The following ADRA1D variants were observed in gnomAD, a reference collection of about 807,000 sequenced individuals.
ADRA1D encodes adrenoceptor alpha 1D.
Under a neutral mutation model 18.6 loss-of-function variants are expected in ADRA1D, and 22 were observed. The ratio of observed to expected loss-of-function variants is 1.19; its 90% CI spans 0.85 to 1.69. ADRA1D has a LOEUF of 1.69. ADRA1D is among the 40% of genes most tolerant of loss of function. The probability of loss-of-function intolerance (pLI) is 0.00; values close to 1 mark genes in which losing one functional copy is unlikely to be tolerated. For missense variants in ADRA1D, 840 were observed against 840.7 expected (o/e 1.00, Z 0.01); for synonymous variants, 376 against 388.2 (o/e 0.97, Z 0.37).
intron 1 of ADRA1D, among the ~76,000 whole-genome samples, chr20:4,240,921 G>A (rs1376837698): frequency 6.6e-6 from 1 of 152,076 alleles, no homozygotes; most frequent in East Asian, 1.9e-4. Flanking sequence ...TACTAACAGG[G>A]TTCTCTCTAT....
At chr20:4,225,081 A>G (rs1278780213) in intron 1 of ADRA1D, among the ~76,000 whole-genome samples, 3 of 148,600 alleles carry the variant, frequency 2.0e-5, no homozygotes, top group Non-Finnish European at 4.4e-5. Flanking sequence ...GGCTCACTGC[A>G]ACCTCTTCCT....
intron 1 of ADRA1D, among the ~76,000 whole-genome samples, chr20:4,225,183 G>A (rs947740927): frequency 6.6e-6 from 1 of 151,436 alleles, no homozygotes; most frequent in Non-Finnish European, 1.5e-5. Context: ...TGTATTTTTA[G>A]TAGAGACGGG....
chr20:4,227,757 C>CCT lies in ADRA1D; in HGVS notation c.1112-5628_1112-5627insAG, dbSNP rs1286307769. Among the ~76,000 whole-genome samples the CCT allele has an allele frequency of 4.4e-3, 396 of 90,272 alleles. 4 individuals carry two copies. The highest frequency in any genetic ancestry group is 0.016 in the African/African-American group (371 of 22,644). The allele number at this position is 90,272 out of a possible 152,430, so 59.2% of individuals were successfully genotyped here. A position where few individuals can be genotyped will look rare whatever the true frequency, so the allele number is the denominator to read the frequency against. ...TTCCTTCCTTCCTTCCTTCTTCTCT[C>CCT]TCTCTCTTTCTTCTCTTTCTTTCTT... On this transcript the variant is annotated intron_variant, in intron 1 of 1. Coordinates refer to ENST00000379453, the MANE Select transcript of ADRA1D (RefSeq NM_000678.4).
chr20:4,248,216 T>C lies in ADRA1D; in HGVS notation c.742A>G (p.Ile248Val), dbSNP rs1452971663. 6.3e-7 allele frequency: 1 copy of C among 1,598,438 alleles called. No individual in the cohort carries two copies. Among genetic ancestry groups the C allele is most frequent in the East Asian group, 2.3e-5 (1 of 44,250 alleles). Residue 248 changes from isoleucine (I) to valine (V), a missense_variant, in exon 1 of 2, where the codon ATC (isoleucine) becomes GTC (valine). Coordinates refer to ENST00000379453, the MANE Select transcript of ADRA1D (RefSeq NM_000678.4). ...PVPPDERFCG[I>V]TEEAGYAVFS... is the part of the protein sequence containing the mutation. ...ACAGCGTAGCCCGCCTCCTCGGTGA[T>C]ACCGCAGAAGCGCTCGTCAGGGGGC... is the stretch of plus-strand genomic sequence containing the variant.
In ADRA1D at chr20:4,248,373, G is replaced by A. The variant is rs1182911102; in HGVS notation, c.585C>T (p.Tyr195=). The change falls in exon 1 of 2, where the codon TAC becomes TAT. Residue 195 remains tyrosine, a synonymous_variant. Transcript: ENST00000379453. The part of the protein sequence containing the change: ...LSLCTISVDR[Y]VGVRHSLKYP... ...ACTTGAGTGAGTGGCGCACGCCCAC[G>A]TACCGGTCCACGGAGATGGTGCAGA... 6.2e-7 allele frequency: 1 copy of A among 1,608,458 alleles called. No homozygotes were observed. The highest frequency in any genetic ancestry group is 8.5e-7 in the Non-Finnish European group (1 of 1,177,594).
chr20:4,222,055 C>T lies in ADRA1D; in HGVS notation c.1187G>A (p.Cys396Tyr). ...ACAGGGGTAGATGAGCGGGTTCACGCAGCTGTTGAAGTAGCCGAGCCAGAA... is the reference window on the plus strand; with the variant it reads ...ACAGGGGTAGATGAGCGGGTTCACGTAGCTGTTGAAGTAGCCGAGCCAGAA... ...VIFWLGYFNS[C>Y]VNPLIYPCSS... The change falls in exon 2 of 2, where the codon TGC becomes TAC. Residue 396 changes from cysteine (C) to tyrosine (Y), a missense_variant. Physicochemically the swap from Cys to Tyr is radical, Grantham distance 194. Coordinates refer to ENST00000379453, the MANE Select transcript of ADRA1D (RefSeq NM_000678.4). The surrounding 1 kb of genome is among the most constrained non-coding windows in gnomAD (Gnocchi z 4.3). 1 of 1,612,376 alleles carries T rather than the reference C, an allele frequency of 6.2e-7. No homozygotes were observed. Among genetic ancestry groups the T allele is most frequent in the Non-Finnish European group, 8.5e-7 (1 of 1,179,370 alleles).
chr20:4,248,264 G>C lies in ADRA1D; in HGVS notation c.694C>G (p.Leu232Val). 6.2e-7 allele frequency: 1 copy of C among 1,608,650 alleles called. No homozygotes were observed. Among genetic ancestry groups the C allele is most frequent in the Non-Finnish European group, 8.5e-7 (1 of 1,177,886 alleles). The change falls in exon 1 of 2, where the codon CTG becomes GTG. Residue 232 changes from leucine (L) to valine (V), a missense_variant. Transcript: ENST00000379453. Reference sequence around the variant, plus strand: ...GGCACGGGCTCCTTCCAGCCCAGCAGGGGCCCTACGGACACCACCAGGGCT... The same window carrying C: ...GGCACGGGCTCCTTCCAGCCCAGCACGGGCCCTACGGACACCACCAGGGCT... ...VVALVVSVGP[L>V]LGWKEPVPPD... is the part of the protein sequence containing the mutation.
rs780952206 is a variant in ADRA1D, at chr20:4,221,631, T to C, written c.1611A>G (p.Ser537=). 5 of 1,613,032 alleles carry C rather than the reference T, an allele frequency of 3.1e-6. No individual in the cohort carries two copies. Among genetic ancestry groups the C allele is most frequent in the Non-Finnish European group, 4.2e-6 (5 of 1,179,648 alleles). Residue 537 remains serine (S), a synonymous_variant, in exon 2 of 2, where the codon TCA becomes TCG. Transcript: ENST00000379453. ...CGCCTAGGGACACAGCCTCCACCTC[T>C]GAGCGCTGGGCGCACGCTGCCTCTG... ...QRAEAACAQR[S]EVEAVSLGVP...
chr20:4,248,899 G>C lies in ADRA1D; in HGVS notation c.59C>G (p.Ala20Gly), dbSNP rs773415275. The change falls in exon 1 of 2, where the codon GCA becomes GGA. Residue 20 changes from alanine (A) to glycine (G), a missense_variant. Ala to Gly is a moderately conservative substitution (Grantham distance 60). Coordinates refer to ENST00000379453, the MANE Select transcript of ADRA1D (RefSeq NM_000678.4). ...SFEGPRPDSS[A>G]GGSSAGGGGG... ...GCCGCCGCCCGCGCTGGAGCCCCCT[G>C]CGCTGCTGTCCGGGCGGGGTCCCTC... 94 of 1,296,868 alleles carry C rather than the reference G, an allele frequency of 7.2e-5. No individual in the cohort carries two copies. In the Middle Eastern group the frequency reaches 1.2e-3, roughly 17 times the overall value. 80.3% of individuals were successfully genotyped at this position (1,296,868 alleles called of 1,614,324 possible). A position where few individuals can be genotyped will look rare whatever the true frequency, so the allele number is the denominator to read the frequency against.
Position 4,248,599 on chromosome 20 carries a change from G to A in ADRA1D, c.359C>T (p.Ser120Leu). ...CTGCAGGTGGCGGTTGCAGGCCACT[G>A]AGAGGATGACAAGCAGGTTACCTGC... ...AVAGNLLVIL[S>L]VACNRHLQTV... The change falls in exon 1 of 2, where the codon TCA (serine) becomes TTA (leucine). Residue 120 changes from serine (S) to leucine (L), a missense_variant. Physicochemically the swap from Ser to Leu is moderately radical, Grantham distance 145. Coordinates refer to ENST00000379453, the MANE Select transcript of ADRA1D (RefSeq NM_000678.4). The A allele has an allele frequency of 6.2e-7, 1 of 1,613,482 alleles. No homozygotes were observed. Among genetic ancestry groups the A allele is most frequent in the Non-Finnish European group, 8.5e-7 (1 of 1,179,928 alleles).
rs1981427403 is a variant in ADRA1D, at chr20:4,248,836, G to C, written c.122C>G (p.Pro41Arg). 6 of 1,006,298 alleles carry C rather than the reference G, an allele frequency of 6.0e-6. No individual in the cohort carries two copies. The highest frequency in any genetic ancestry group is 4.5e-5 in the South Asian group (1 of 22,054). The allele number at this position is 1,006,298 out of a possible 1,614,324, so 62.3% of individuals were successfully genotyped here. A position where few individuals can be genotyped will look rare whatever the true frequency, so the allele number is the denominator to read the frequency against. Reference protein sequence around the residue: ...SAGGAAPSEGPAVGGVPGGAG... With the variant: ...SAGGAAPSEGRAVGGVPGGAG... ...GCCCCCCGGCACGCCGCCCACCGCCGGGCCCTCCGAGGGGGCCGCGCCGCC... is the reference window on the plus strand; with the variant it reads ...GCCCCCCGGCACGCCGCCCACCGCCCGGCCCTCCGAGGGGGCCGCGCCGCC... Residue 41 changes from proline (P) to arginine (R), a missense_variant, in exon 1 of 2, where the codon CCG (proline) becomes CGG (arginine). Coordinates refer to ENST00000379453, the MANE Select transcript of ADRA1D (RefSeq NM_000678.4).
chr20:4,247,295 TCTCAGAAATGAGAACTCGGGGCA>T (rs919900198), intron 1 of ADRA1D, among the ~76,000 whole-genome samples: 1 of 152,212 alleles, frequency 6.6e-6, no homozygotes, highest in African/African-American at 2.4e-5. Context: ...CAAGAGGGGA[TCTCAGAAATGAGAACTCGGGGCA>T]CTCAGAAACA....
Position 4,222,355 on chromosome 20 carries a change from T to C in ADRA1D, c.1112-225A>G, listed in dbSNP as rs1980693556. On this transcript the variant is annotated intron_variant, in intron 1 of 1. Coordinates refer to ENST00000379453, the MANE Select transcript of ADRA1D (RefSeq NM_000678.4). This position sits in a 1 kb window ranked among gnomAD's most constrained non-coding sequence, Gnocchi z 4.3. ...TATTGAGGATTACCTTCAATGAATGTAGGCAACAAACCAGAGTAGAGTTAG... is the reference window on the plus strand; with the variant it reads ...TATTGAGGATTACCTTCAATGAATGCAGGCAACAAACCAGAGTAGAGTTAG... The C allele has an allele frequency of 3.8e-6, 2 of 532,784 alleles. No homozygotes were observed. The highest frequency in any genetic ancestry group is 4.1e-5 in the Admixed American group (1 of 24,220). 33.0% of individuals were successfully genotyped at this position (532,784 alleles called of 1,614,324 possible). A position where few individuals can be genotyped will look rare whatever the true frequency, so the allele number is the denominator to read the frequency against.
At chr20:4,243,696 G>A (rs1344921135) in intron 1 of ADRA1D, among the ~76,000 whole-genome samples, 2 of 152,030 alleles carry the variant, frequency 1.3e-5, no homozygotes, top group Non-Finnish European at 2.9e-5. Flanking sequence ...TCTCGGTGAG[G>A]GGCGTTCTAC....
intron 1 of ADRA1D, among the ~76,000 whole-genome samples, chr20:4,230,027 C>T (rs1184041161): frequency 2.0e-5 from 3 of 152,172 alleles, no homozygotes; most frequent in African/African-American, 4.8e-5. Context: ...GCCAGATGCA[C>T]ACCCACCTTG....
intron 1 of ADRA1D, among the ~76,000 whole-genome samples, chr20:4,235,775 G>A (rs1002527363): frequency 2.0e-5 from 3 of 152,266 alleles, no homozygotes; most frequent in Non-Finnish European, 4.4e-5. Context: ...TGTTCTCCTA[G>A]GTGACCACTT....
At chr20:4,240,226 G>C (rs1981181177) in intron 1 of ADRA1D, among the ~76,000 whole-genome samples, 1 of 152,294 alleles carries the variant, frequency 6.6e-6, no homozygotes, top group African/African-American at 2.4e-5. Flanking sequence ...AAAAAAAGCA[G>C]TGGAGGCTTA....
chr20:4,241,355 A>G (rs745838265), intron 1 of ADRA1D, among the ~76,000 whole-genome samples: 21 of 152,240 alleles, frequency 1.4e-4, no homozygotes, highest in South Asian at 4.1e-4. Context: ...ATATGTATCC[A>G]TAGTTAATGA....
Position 4,248,176 on chromosome 20 carries a change from C to A in ADRA1D, c.782G>T (p.Cys261Phe). The A allele has an allele frequency of 6.3e-7, 1 of 1,585,414 alleles. No homozygotes were observed. Among genetic ancestry groups the A allele is most frequent in the Non-Finnish European group, 8.6e-7 (1 of 1,165,802 alleles). Residue 261 changes from cysteine (C) to phenylalanine (F), a missense_variant, in exon 1 of 2, where the codon TGC (cysteine) becomes TTC (phenylalanine). Physicochemically the swap from Cys to Phe is radical, Grantham distance 205. Coordinates refer to ENST00000379453, the MANE Select transcript of ADRA1D (RefSeq NM_000678.4). ...EAGYAVFSSV[C>F]SFYLPMAVIV... Reference sequence around the variant, plus strand: ...GACCGCCATGGGCAGGTAGAAGGAGCACACGGAGGAGAAGACAGCGTAGCC... The same window carrying A: ...GACCGCCATGGGCAGGTAGAAGGAGAACACGGAGGAGAAGACAGCGTAGCC...
Sources: allele counts gnomAD v4.1 joint callset (sites outside exome capture counted in the v4.1 genomes callset), GRCh38; gene constraint gnomAD v4.1.1; non-coding constraint Gnocchi (gnomAD v3.1); transcripts MANE v1.5; gene names NCBI Gene and HGNC (gene_info 2026-07-23, HGNC 2026-07-21).